Variants in COL26A1 observed in about 807,000 individuals in gnomAD.
COL26A1 encodes the protein collagen type XXVI alpha 1 chain.
In COL26A1, 41 loss-of-function variants were observed where a neutral mutation model predicts 59.3. The ratio of observed to expected loss-of-function variants is 0.69; its 90% confidence interval spans 0.54 to 0.90. The LOEUF (loss-of-function observed/expected upper bound fraction) is 0.90. Ranked by LOEUF, COL26A1 falls within the 40% of genes least tolerant of loss-of-function variation. The probability of loss-of-function intolerance (pLI) is 0.00; values close to 1 mark genes in which losing one functional copy is unlikely to be tolerated. For synonymous variants in COL26A1, 266 were observed against 256.0 expected (o/e 1.04, Z -0.37); for missense variants, 612 against 602.3 (o/e 1.02, Z -0.17).
intron 1 of COL26A1, among the ~76,000 whole-genome samples, chr7:101,400,960 T>TC (rs1211520387): frequency 4.6e-5 from 7 of 152,094 alleles, no homozygotes; most frequent in African/African-American, 1.7e-4. Flanking sequence ...AGACGGGAGT[T>TC]CAAGGGCCTG....
intron 1 of COL26A1, among the ~76,000 whole-genome samples, chr7:101,370,801 A>T (rs955552070): frequency 2.0e-5 from 3 of 148,930 alleles, no homozygotes; most frequent in Non-Finnish European, 4.5e-5. Context: ...TCTTACCTTG[A>T]CTCCCCCCTC....
chr7:101,376,550 C>T (rs1324703317), intron 1 of COL26A1, among the ~76,000 whole-genome samples: 2 of 152,148 alleles, frequency 1.3e-5, no homozygotes, highest in East Asian at 1.9e-4. Context: ...TGGTCCTAAG[C>T]CTGCTCACTG....
intron 2 of COL26A1, among the ~76,000 whole-genome samples, chr7:101,443,892 A>T (rs1244651879): frequency 1.5e-5 from 2 of 133,904 alleles, no homozygotes; most frequent in Non-Finnish European, 3.1e-5. Context: ...TTTTTTTCAG[A>T]GACAGGGTCT....
At chr7:101,386,660 T>C (rs1023480913) in intron 1 of COL26A1, among the ~76,000 whole-genome samples, 1 of 152,164 alleles carries the variant, frequency 6.6e-6, no homozygotes. Flanking sequence ...CAACGGCAGC[T>C]GGACCCACTG....
At chr7:101,528,532 C>T (rs965272976) in intron 3 of COL26A1, among the ~76,000 whole-genome samples, 1 of 151,488 alleles carries the variant, frequency 6.6e-6, no homozygotes, top group East Asian at 2.0e-4. Flanking sequence ...CTCCCCTCCT[C>T]TCCCCTCCTG....
At chr7:101,532,922 C>A (rs1420306501) in intron 3 of COL26A1, among the ~76,000 whole-genome samples, 160 bp from the exon 4 acceptor site, 1 of 152,092 alleles carries the variant, frequency 6.6e-6, no homozygotes, top group Non-Finnish European at 1.5e-5. Flanking sequence ...GAGGAGGGGG[C>A]TCTGAGGGTA....
At chr7:101,474,243 C>T (rs1397945573) in intron 3 of COL26A1, among the ~76,000 whole-genome samples, 2 of 152,090 alleles carry the variant, frequency 1.3e-5, no homozygotes, top group African/African-American at 4.8e-5. Flanking sequence ...CACCAGAAAC[C>T]GGGCTTGCTT....
chr7:101,496,231 A>C (rs1161402378), intron 3 of COL26A1, among the ~76,000 whole-genome samples: 1 of 152,248 alleles, frequency 6.6e-6, no homozygotes, highest in Non-Finnish European at 1.5e-5. Context: ...GTCTAAAGGC[A>C]GCTGATTCCT....
At chr7:101,540,403 A>G (rs1350608209) in intron 5 of COL26A1, among the ~76,000 whole-genome samples, 5 of 151,476 alleles carry the variant, frequency 3.3e-5, no homozygotes, top group African/African-American at 1.2e-4. Flanking sequence ...CCAGGCGTGG[A>G]GGCAGGTGCC....
At chr7:101,529,378 C>T (rs916766564) in intron 3 of COL26A1, among the ~76,000 whole-genome samples, 1 of 152,080 alleles carries the variant, frequency 6.6e-6, no homozygotes, top group Non-Finnish European at 1.5e-5. Flanking sequence ...AAGCGATCCT[C>T]GTGCCTCAGC....
At chr7:101,496,481 G>C (rs59579456) in intron 3 of COL26A1, among the ~76,000 whole-genome samples, 14,503 of 152,240 alleles carry the variant, frequency 0.095, 1,310 homozygotes, top group African/African-American at 0.24. Context: ...TGGTTGATGG[G>C]TGGAAGAGTG....
chr7:101,482,614 C>T (rs747225778), intron 3 of COL26A1, among the ~76,000 whole-genome samples: 8 of 152,168 alleles, frequency 5.3e-5, no homozygotes, highest in Non-Finnish European at 7.3e-5. Context: ...GTTAGCCCAG[C>T]ACAAGTTCCT....
chr7:101,436,240 G>A (rs1297709530), intron 2 of COL26A1, among the ~76,000 whole-genome samples: 1 of 152,146 alleles, frequency 6.6e-6, no homozygotes, highest in Admixed American at 6.5e-5. Flanking sequence ...TTGGATTCTG[G>A]GGAGGCTGGA....
intron 3 of COL26A1, among the ~76,000 whole-genome samples, chr7:101,512,827 CA>C (rs5886198): frequency 0.33 from 50,482 of 151,930 alleles, 8,685 homozygotes; most frequent in Middle Eastern, 0.37. Context: ...CCACCTCATT[CA>C]CAGATTAGAA....
At chr7:101,383,637 C>T (rs1300554206) in intron 1 of COL26A1, among the ~76,000 whole-genome samples, 2 of 152,024 alleles carry the variant, frequency 1.3e-5, no homozygotes, top group East Asian at 1.9e-4. Flanking sequence ...CCGGTTCAAG[C>T]GATCCTCCTG....
chr7:101,533,199 G>A, intron 4 of COL26A1, 56 bp downstream of exon 4: 26 of 1,339,384 alleles, frequency 1.9e-5, no homozygotes, highest in Non-Finnish European at 2.7e-5. Flanking sequence ...CTTGGGTGGT[G>A]GAGGGAGGCA....
chr7:101,426,439 C>T (rs984947532), intron 2 of COL26A1, among the ~76,000 whole-genome samples: 1 of 152,202 alleles, frequency 6.6e-6, no homozygotes, highest in African/African-American at 2.4e-5. Context: ...TCTCCACCCA[C>T]ACCTGTGTGT....
chr7:101,492,230 C>T (rs1273443330), intron 3 of COL26A1, among the ~76,000 whole-genome samples: 2 of 151,976 alleles, frequency 1.3e-5, no homozygotes, highest in Non-Finnish European at 2.9e-5. Context: ...GTTATTTTCC[C>T]TTAAGAAAAA....
At position 101,413,393 on chromosome 7, in the gene COL26A1, ACTGTAATC is replaced by A. The variant is rs1456633979; in HGVS notation, c.159-6582_159-6575del. On this transcript the variant is annotated intron_variant, in intron 1 of 12. Transcript: ENST00000313669. ...TATTAGCCGGGTATGGTGGCGGGTGACTGTAATCCCAGCTACTTGGGAGGCTGATATAG... is the reference window on the plus strand; with the variant it reads ...TATTAGCCGGGTATGGTGGCGGGTGACCAGCTACTTGGGAGGCTGATATAG... 4.6e-5 allele frequency among the ~76,000 whole-genome samples: 7 copies of A among 151,996 alleles called. No individual in the cohort carries two copies. The East Asian group carries it at 1.4e-3, about 29-fold the overall frequency.
Sources: allele counts gnomAD v4.1 joint callset (sites outside exome capture counted in the v4.1 genomes callset), GRCh38; gene constraint gnomAD v4.1.1; transcripts MANE v1.5; gene names NCBI Gene and HGNC (gene_info 2026-07-23, HGNC 2026-07-21).